The following IL6R variants were observed in gnomAD, a reference collection of about 807,000 sequenced individuals.
IL6R encodes interleukin-6 receptor subunit alpha.
Under a neutral mutation model 48.3 loss-of-function variants are expected in IL6R, and 38 were observed. The ratio of observed to expected loss-of-function variants is 0.79; its 90% CI spans 0.61 to 1.03. The LOEUF (loss-of-function observed/expected upper bound fraction) is 1.03. Among genes scored for constraint, IL6R ranks in the 50% least tolerant of loss-of-function variants. IL6R has a pLI of 0.00. For missense variants in IL6R, 534 were observed against 618.3 expected (o/e 0.86, Z 1.45); for synonymous variants, 264 against 256.2 (o/e 1.03, Z -0.29).
chr1:154,454,694 A>C, intron 9 of IL6R, 113 bp downstream of exon 9: 1 of 748,516 alleles, frequency 1.3e-6, no homozygotes, highest in South Asian at 1.5e-5. Flanking sequence ...TCCATTCATC[A>C]AATGAATGCA....
chr1:154,429,130 C>T, intron 1 of IL6R, 66 bp from the exon 2 acceptor site: 1 of 1,549,646 alleles, frequency 6.5e-7, no homozygotes, highest in Non-Finnish European at 8.8e-7. Flanking sequence ...GTGGCTTCCT[C>T]AGACCAGAAC....
At chr1:154,416,530 A>G (rs974842621) in intron 1 of IL6R, among the ~76,000 whole-genome samples, 3 of 152,150 alleles carry the variant, frequency 2.0e-5, no homozygotes, top group African/African-American at 7.2e-5. Context: ...GATGGGGCTT[A>G]TGATGAGGGA....
intron 6 of IL6R, among the ~76,000 whole-genome samples, chr1:154,446,537 A>G (rs1263571533): frequency 6.6e-6 from 1 of 152,190 alleles, no homozygotes; most frequent in Non-Finnish European, 1.5e-5. Context: ...CTGACAAGAA[A>G]ATGTTTTGAA....
chr1:154,407,589 G>A (rs1474722862), intron 1 of IL6R, among the ~76,000 whole-genome samples: 2 of 152,184 alleles, frequency 1.3e-5, no homozygotes, highest in Admixed American at 6.5e-5. Flanking sequence ...TAAAGAAATC[G>A]TACAGGAAGC....
chr1:154,455,360 G>T (rs908163106), intron 9 of IL6R, among the ~76,000 whole-genome samples: 6 of 152,176 alleles, frequency 3.9e-5, no homozygotes, highest in Non-Finnish European at 4.4e-5. Flanking sequence ...AAAAGGCCTT[G>T]AAAGAGGTGG....
At chr1:154,443,486 C>T (rs1381288867) in intron 6 of IL6R, among the ~76,000 whole-genome samples, 1 of 152,226 alleles carries the variant, frequency 6.6e-6, no homozygotes, top group Non-Finnish European at 1.5e-5. Context: ...ACTGGGGCCC[C>T]GCCCACTTCC....
At position 154,405,660 on chromosome 1, in the gene IL6R, G is replaced by T. The variant is rs1240042661; in HGVS notation, c.31G>T (p.Ala11Ser). 6.5e-7 allele frequency: 1 copy of T among 1,532,204 alleles called. No individual in the cohort carries two copies. The highest frequency in any genetic ancestry group is 8.7e-7 in the Non-Finnish European group (1 of 1,146,718). 94.9% of individuals were successfully genotyped at this position (1,532,204 alleles called of 1,614,324 possible). A position where few individuals can be genotyped will look rare whatever the true frequency, so the allele number is the denominator to read the frequency against. The change falls in exon 1 of 10, where the codon GCC (alanine) becomes TCC (serine). Residue 11 changes from alanine to serine, a missense_variant. Physicochemically the swap from Ala to Ser is moderately conservative, Grantham distance 99 (BLOSUM62 1). Coordinates refer to ENST00000368485, the MANE Select transcript of IL6R (RefSeq NM_000565.4). This position sits in a 1 kb window ranked among gnomAD's most constrained non-coding sequence, Gnocchi z 5.2. ...GGCCGTCGGCTGCGCGCTGCTGGCT[G>T]CCCTGCTGGCCGCGCCGGGAGCGGC... MLAVGCALLAALLAAPGAALA... is the reference protein window; with the variant it reads MLAVGCALLASLLAAPGAALA...
At chr1:154,416,790 C>T (rs987710206) in intron 1 of IL6R, among the ~76,000 whole-genome samples, 3 of 152,078 alleles carry the variant, frequency 2.0e-5, no homozygotes, top group Non-Finnish European at 4.4e-5. Flanking sequence ...GAGTGACACA[C>T]CTACGAAAGA....
intron 8 of IL6R, 44 bp downstream of exon 8, chr1:154,450,024 A>C: frequency 8.1e-7 from 1 of 1,234,486 alleles, no homozygotes; most frequent in Non-Finnish European, 1.2e-6. Flanking sequence ...CGAGGGACAG[A>C]AGATTTGTCT....
At chr1:154,443,390 G>A (rs1027755248) in intron 6 of IL6R, among the ~76,000 whole-genome samples, 2 of 152,192 alleles carry the variant, frequency 1.3e-5, no homozygotes, top group African/African-American at 2.4e-5. Flanking sequence ...ACACATTTCC[G>A]GAGAGATTTT....
Position 154,405,571 on chromosome 1 carries a change from C to A in IL6R, c.-59C>A. 7.7e-7 allele frequency: 1 copy of A among 1,296,688 alleles called. No homozygotes were observed. Among genetic ancestry groups the A allele is most frequent in the Non-Finnish European group, 1.0e-6 (1 of 953,376 alleles). The allele number at this position is 1,296,688 out of a possible 1,614,324, so 80.3% of individuals were successfully genotyped here. A position where few individuals can be genotyped will look rare whatever the true frequency, so the allele number is the denominator to read the frequency against. ...CCCCGCCCCTGCCACCCCTGCCGCC[C>A]GGTTCCCATTAGCCTGTCCGCCTCT... On this transcript the variant is annotated 5_prime_UTR_variant, in exon 1 of 10. Transcript: ENST00000368485. This position sits in a 1 kb window ranked among gnomAD's most constrained non-coding sequence, Gnocchi z 5.2.
At chr1:154,430,680 A>G in intron 3 of IL6R, 74 bp downstream of exon 3, 1 of 1,579,140 alleles carries the variant, frequency 6.3e-7, no homozygotes, top group South Asian at 1.1e-5. Flanking sequence ...GGGCTGGTTC[A>G]GGTGATTTCA....
chr1:154,406,242 T>A (rs935881070), intron 1 of IL6R, among the ~76,000 whole-genome samples: 1 of 152,146 alleles, frequency 6.6e-6, no homozygotes, highest in African/African-American at 2.4e-5. Flanking sequence ...GGGACTGACA[T>A]CACGGGCGCT....
At chr1:154,414,306 C>A (rs1688207612) in intron 1 of IL6R, 9 of 806,872 alleles carry the variant, frequency 1.1e-5, no homozygotes, top group South Asian at 3.5e-5. Context: ...TGGAGGAAAC[C>A]TTGCACTGTA....
intron 9 of IL6R, 152 bp downstream of exon 9, chr1:154,454,733 T>A: frequency 3.1e-6 from 2 of 653,422 alleles, no homozygotes; most frequent in Non-Finnish European, 5.5e-6. Context: ...ACACCTACTA[T>A]TATGCCAAGC....
chr1:154,429,895 C>G (rs552748273), intron 2 of IL6R, among the ~76,000 whole-genome samples: 1 of 152,078 alleles, frequency 6.6e-6, no homozygotes, highest in East Asian at 1.9e-4. Context: ...TCTGCATAGC[C>G]CATCCTAAGC....
chr1:154,463,914 T>G (rs1191491213), intron 9 of IL6R, among the ~76,000 whole-genome samples: 1 of 152,070 alleles, frequency 6.6e-6, no homozygotes, highest in Non-Finnish European at 1.5e-5. Flanking sequence ...TGCCGACAGT[T>G]GAGTCTGTGG....
chr1:154,432,219 C>T (rs1262914100), intron 3 of IL6R, among the ~76,000 whole-genome samples: 2 of 152,214 alleles, frequency 1.3e-5, no homozygotes, highest in Non-Finnish European at 2.9e-5. Context: ...AGCTTCACAG[C>T]CCAGCAAAGG....
rs78599332 is a variant in IL6R at position 154,407,551 on chromosome 1, A to G, written c.85+1837A>G. On this transcript the variant is annotated intron_variant, in intron 1 of 9. Transcript: ENST00000368485. ...CAGCCCCTCTCCCACACCCACACAG[A>G]CTCAGCCCACAAACTGGAGAGTAAA... Among the ~76,000 whole-genome samples, 88 of 152,252 alleles carry G rather than the reference A, an allele frequency of 5.8e-4. No homozygotes were observed. The East Asian group carries it at 0.016, about 28-fold the overall frequency.
Sources: gnomAD v4.1 joint callset for allele counts (sites outside exome capture counted in the v4.1 genomes callset) on GRCh38, gnomAD v4.1.1 for gene constraint, Gnocchi (gnomAD v3.1) non-coding constraint, MANE v1.5 for transcripts, NCBI Gene and HGNC (gene_info 2026-07-23, HGNC 2026-07-21) for gene names.